Variants in ESCO1 observed in about 807,000 individuals in gnomAD.
The protein encoded by ESCO1 is establishment of sister chromatid cohesion N-acetyltransferase 1.
A neutral mutation model predicts 83.5 loss-of-function variants in ESCO1; 33 were observed. That is an observed-to-expected ratio of 0.40 (90% CI 0.30 to 0.53). The LOEUF (loss-of-function observed/expected upper bound fraction) is 0.53, where lower values mean the gene tolerates loss of function less well. ESCO1 is among the 20% of genes least tolerant of loss of function. ESCO1 has a pLI of 0.63. For missense variants in ESCO1, 855 were observed against 968.0 expected, an observed-to-expected ratio of 0.88 and a Z score of 1.55; for synonymous variants, 332 against 324.3, an observed-to-expected ratio of 1.02 and a Z score of -0.25.
At chr18:21,562,170 G>A (rs1160240368) in intron 7 of ESCO1, among the ~76,000 whole-genome samples, 3 of 152,038 alleles carry the variant, frequency 2.0e-5, no homozygotes, top group Admixed American at 6.5e-5. Context: ...ATGAGCCACC[G>A]CACCCAATCC....
At chr18:21,536,231 T>C (rs1439018592) in intron 9 of ESCO1, 46 bp from the exon 10 acceptor site, 2 of 1,572,358 alleles carry the variant, frequency 1.3e-6, no homozygotes, top group Admixed American at 1.7e-5. Flanking sequence ...AAATATTATA[T>C]ACATGTAAAA....
intron 2 of ESCO1, among the ~76,000 whole-genome samples, chr18:21,576,017 A>G (rs1288303968): frequency 6.6e-6 from 1 of 152,240 alleles, no homozygotes; most frequent in African/African-American, 2.4e-5. Flanking sequence ...TTAAAATATG[A>G]AAAACAATTC....
In ESCO1 at chr18:21,579,808, A is replaced by G. The variant is rs942508664; in HGVS notation, c.-693-4031T>C. Among the ~76,000 whole-genome samples, 121 of 107,736 alleles carry G rather than the reference A, an allele frequency of 1.1e-3. 1 individual carries two copies. In the Middle Eastern group the frequency reaches 0.019, roughly 16 times the overall value. 70.7% of individuals were successfully genotyped at this position (107,736 alleles called of 152,430 possible). A position where few individuals can be genotyped will look rare whatever the true frequency, so the allele number is the denominator to read the frequency against. On this transcript the variant is annotated intron_variant, in intron 2 of 11. Transcript: ENST00000269214. ...CACGCGCGCGCGCACACACACACACACACACACACACACACACACACACAC... is the reference window on the plus strand; with the variant it reads ...CACGCGCGCGCGCACACACACACACGCACACACACACACACACACACACAC...
At chr18:21,559,179 C>T (rs1439082559) in intron 8 of ESCO1, among the ~76,000 whole-genome samples, 1 of 152,126 alleles carries the variant, frequency 6.6e-6, no homozygotes, top group Non-Finnish European at 1.5e-5. Flanking sequence ...ATAAGAATGT[C>T]GACCTTGATA....
Position 21,568,030 on chromosome 18 carries a change from G to A in ESCO1, c.1595C>T (p.Ser532Leu), listed in dbSNP as rs763360601. 5.0e-6 allele frequency: 8 copies of A among 1,613,722 alleles called. No homozygotes were observed. In the African/African-American group the frequency reaches 5.3e-5, roughly 11 times the overall value. Reference sequence around the variant, plus strand: ...AATTTTTGCTTGACTGAGCAGAGTCGAAGCAGCAGTAACATTTTCCACTGG... The same window carrying A: ...AATTTTTGCTTGACTGAGCAGAGTCAAAGCAGCAGTAACATTTTCCACTGG... ...NSPVENVTAA[S>L]TLLSQAKIDT... Residue 532 changes from serine (S) to leucine (L), a missense_variant, in exon 5 of 12, where the codon TCG (serine) becomes TTG (leucine). Physicochemically the swap from Ser to Leu is moderately radical, Grantham distance 145. This residue lies in a region of ESCO1 where 726 missense variants were observed against 699.5 expected (regional missense o/e 1.04). Transcript: ENST00000269214.
chr18:21,564,191 T>C lies in ESCO1; in HGVS notation c.1821+12A>G. 1 of 1,514,622 alleles carries C rather than the reference T, an allele frequency of 6.6e-7. No homozygotes were observed. 93.8% of individuals were successfully genotyped at this position (1,514,622 alleles called of 1,614,324 possible). A position where few individuals can be genotyped will look rare whatever the true frequency, so the allele number is the denominator to read the frequency against. The stretch of plus-strand genomic sequence containing the variant: ...ACAACAATTCACCAAAATGGTCAAG[T>C]TGTGTACTTACTATAATCAACTGTT... On this transcript the variant is annotated intron_variant, in intron 7 of 11. Transcript: ENST00000269214.
chr18:21,554,685 G>A (rs1445138557), intron 8 of ESCO1, among the ~76,000 whole-genome samples: 2 of 152,126 alleles, frequency 1.3e-5, no homozygotes, highest in East Asian at 3.8e-4. Context: ...GGAGGGGGCA[G>A]ATCATTTGAG....
Position 21,573,304 on chromosome 18 carries a change from AAC to A in ESCO1, c.1530+8_1530+9del, listed in dbSNP as rs756113126. On this transcript the variant is annotated splice_region_variant and intron_variant, in intron 4 of 11. Coordinates refer to ENST00000269214, the MANE Select transcript of ESCO1 (RefSeq NM_052911.3). ...CGGCACCTCTATTGTGCATAATAAA[AAC>A]AGATTACCTTATTTGATGCTGAATC... The A allele has an allele frequency of 1.5e-5, 24 of 1,553,454 alleles. No individual in the cohort carries two copies. Among genetic ancestry groups the A allele is most frequent in the South Asian group, 1.5e-4 (12 of 78,634 alleles).
chr18:21,596,005 T>C (rs1598483479), intron 1 of ESCO1, among the ~76,000 whole-genome samples: 1 of 151,348 alleles, frequency 6.6e-6, no homozygotes, highest in Non-Finnish European at 1.5e-5. Flanking sequence ...AATAAATAAA[T>C]AAAAAGAATA....
intron 7 of ESCO1, among the ~76,000 whole-genome samples, chr18:21,562,947 C>T (rs2038208595): frequency 6.6e-6 from 1 of 151,258 alleles, no homozygotes; most frequent in South Asian, 2.1e-4. Context: ...TCTCAGCTCA[C>T]CGAAACCTCC....
chr18:21,552,344 G>C lies in ESCO1; in HGVS notation c.1953+8515C>G, dbSNP rs377456888. 5.9e-5 allele frequency among the ~76,000 whole-genome samples: 9 copies of C among 152,280 alleles called. No individual in the cohort carries two copies. In the South Asian group the frequency reaches 1.7e-3, roughly 28 times the overall value. ...ACGTGTCATGGGAGCAACCCAGTGG[G>C]AGGTAATTGACTCATGGGGGTAGTT... On this transcript the variant is annotated intron_variant, in intron 8 of 11. Coordinates refer to ENST00000269214, the MANE Select transcript of ESCO1 (RefSeq NM_052911.3).
chr18:21,573,596 G>A lies in ESCO1; in HGVS notation c.1248C>T (p.Gly416=). The A allele has an allele frequency of 6.2e-7, 1 of 1,614,070 alleles. No homozygotes were observed. The highest frequency in any genetic ancestry group is 1.1e-5 in the South Asian group (1 of 91,076). Residue 416 remains glycine, a synonymous_variant, in exon 4 of 12, where the codon GGC becomes GGT. Coordinates refer to ENST00000269214, the MANE Select transcript of ESCO1 (RefSeq NM_052911.3). ...KLDSQVSPKL[G]LLRTSFSPPA... is the part of the protein sequence containing the mutation. ...GTGGTGAAAAACTGGTTCGTAATAA[G>A]CCTAATTTAGGGGAAACTTGAGAGT...
rs182164073 is a variant in ESCO1, at chr18:21,548,452, G to A, written c.1954-8443C>T. Among the ~76,000 whole-genome samples the A allele has an allele frequency of 5.3e-5, 8 of 152,004 alleles. No individual in the cohort carries two copies. The East Asian group carries it at 5.8e-4, about 11-fold the overall frequency. ...TGAGGCTGCAATGAGCCATGATTGC[G>A]CCACTGCACTCCAGCCTGGGCAACA... On this transcript the variant is annotated intron_variant, in intron 8 of 11. Coordinates refer to ENST00000269214, the MANE Select transcript of ESCO1 (RefSeq NM_052911.3).
At chr18:21,560,311 T>A (rs2038165909) in intron 8 of ESCO1, among the ~76,000 whole-genome samples, 1 of 130,762 alleles carries the variant, frequency 7.6e-6, no homozygotes, top group African/African-American at 2.9e-5. Context: ...CTAAAACAGA[T>A]TTACTCTGTG....
In ESCO1 at chr18:21,532,562, T is replaced by C. The variant is rs2037780826; in HGVS notation, c.2286A>G (p.Pro762=). The change falls in exon 11 of 12, where the codon CCA becomes CCG. Residue 762 remains proline, a synonymous_variant. Transcript: ENST00000269214. ...GACTGATCCCGCAGATTGCAGGCTC[T>C]GGTAATGTTGAGCAGCACCAGGCTT... ...RQKAWCCSTL[P]EPAICGISRI... is the part of the protein sequence containing the mutation. The C allele has an allele frequency of 6.2e-7, 1 of 1,614,172 alleles. No individual in the cohort carries two copies. The highest frequency in any genetic ancestry group is 8.5e-7 in the Non-Finnish European group (1 of 1,180,028).
chr18:21,596,781 G>C (rs2038773869), intron 1 of ESCO1, among the ~76,000 whole-genome samples: 1 of 152,116 alleles, frequency 6.6e-6, no homozygotes, highest in African/African-American at 2.4e-5. Context: ...GTTGCAGTGA[G>C]CCGAGATAGC....
chr18:21,572,383 T>C (rs1010876550), intron 4 of ESCO1, among the ~76,000 whole-genome samples: 2 of 152,354 alleles, frequency 1.3e-5, no homozygotes, highest in East Asian at 3.9e-4. Context: ...AGGGCTCAGC[T>C]GCTTTCATAA....
At chr18:21,566,297 C>A (rs891456060) in intron 5 of ESCO1, 91 bp from the exon 6 acceptor site, 4 of 1,129,930 alleles carry the variant, frequency 3.5e-6, no homozygotes, top group Admixed American at 4.6e-5. Flanking sequence ...AAGAAAAAAA[C>A]CTTCAATGCA....
intron 9 of ESCO1, among the ~76,000 whole-genome samples, chr18:21,538,831 T>C (rs2037868827): frequency 6.6e-6 from 1 of 152,184 alleles, no homozygotes; most frequent in South Asian, 2.1e-4. Context: ...TTATGAGGTA[T>C]TTCTTCTGAA....
Sources: gnomAD v4.1 joint callset for allele counts (sites outside exome capture counted in the v4.1 genomes callset) on GRCh38, gnomAD v4.1.1 for gene constraint, gnomAD v4.1.1 regional missense constraint, MANE v1.5 for transcripts, NCBI Gene and HGNC (gene_info 2026-07-23, HGNC 2026-07-21) for gene names.